Variants in ESRRB observed in about 807,000 individuals in gnomAD.
ESRRB encodes the protein estrogen related receptor beta, also known as steroid hormone receptor ERR2.
In ESRRB, 16 loss-of-function variants were observed where a neutral mutation model predicts 46.0. The ratio of observed to expected loss-of-function variants is 0.35; its 90% CI spans 0.24 to 0.53. The LOEUF is 0.53. Among genes scored for constraint, ESRRB ranks in the 20% least tolerant of loss-of-function variants. The probability of loss-of-function intolerance (pLI) is 0.93; values close to 1 mark genes in which losing one functional copy is unlikely to be tolerated. For missense variants in ESRRB, 488 were observed against 607.4 expected (o/e 0.80, Z 2.07); for synonymous variants, 246 against 259.6 (o/e 0.95, Z 0.50).
intron 3 of ESRRB, among the ~76,000 whole-genome samples, chr14:76,475,310 A>G (rs769098000): frequency 6.6e-6 from 1 of 151,346 alleles, no homozygotes; most frequent in Non-Finnish European, 1.5e-5. Flanking sequence ...TTGAGGTTGC[A>G]GCGAGCTGTG....
In ESRRB at chr14:76,500,012, C is replaced by G. The variant is rs773338772; in HGVS notation, c.*1554C>G. On this transcript the variant is annotated 3_prime_UTR_variant, in exon 7 of 7. Coordinates refer to ENST00000644823, the MANE Select transcript of ESRRB (RefSeq NM_001379180.1). ...ATCCACGCCCTTCTAGTCCAACCCCCCTCAATGAGAGAGGCAGGCAGATCT... is the reference window on the plus strand; with the variant it reads ...ATCCACGCCCTTCTAGTCCAACCCCGCTCAATGAGAGAGGCAGGCAGATCT... 7.7e-6 allele frequency: 12 copies of G among 1,566,500 alleles called. No homozygotes were observed. Among genetic ancestry groups the G allele is most frequent in the South Asian group, 5.9e-5 (5 of 85,304 alleles).
At chr14:76,348,372 C>T (rs1306286519) in intron 1 of ESRRB, among the ~76,000 whole-genome samples, 2 of 152,128 alleles carry the variant, frequency 1.3e-5, no homozygotes, top group African/African-American at 2.4e-5. Flanking sequence ...GGTTTTCCAA[C>T]GTGAATATTG....
At chr14:76,440,879 CCAAA>C (rs1261630931) in intron 2 of ESRRB, among the ~76,000 whole-genome samples, 1 of 152,054 alleles carries the variant, frequency 6.6e-6, no homozygotes, top group Admixed American at 6.6e-5. Context: ...ACTAAAAATA[CCAAA>C]CAAACAAACA....
At chr14:76,385,634 T>TA (rs1384580259) in intron 1 of ESRRB, among the ~76,000 whole-genome samples, 3 of 152,214 alleles carry the variant, frequency 2.0e-5, no homozygotes, top group East Asian at 1.9e-4. Context: ...TGCTGACTGT[T>TA]ACGGGGTTCC....
At chr14:76,489,445 C>CCACACACACACACACACACACA (rs56091857) in intron 5 of ESRRB, among the ~76,000 whole-genome samples, 1,521 of 129,578 alleles carry the variant, frequency 0.012, 33 homozygotes, top group East Asian at 0.05. Context: ...ATCTGGACAA[C>CCACACACACACACACACACACA]CACACACACA....
At chr14:76,314,734 G>A (rs190200390) in intron 1 of ESRRB, among the ~76,000 whole-genome samples, 1 of 152,070 alleles carries the variant, frequency 6.6e-6, no homozygotes, top group East Asian at 1.9e-4. Context: ...ACTTGGCCAA[G>A]GTCGAGCAAT....
intron 1 of ESRRB, among the ~76,000 whole-genome samples, chr14:76,318,519 C>T (rs1345419372): frequency 6.6e-6 from 1 of 152,192 alleles, no homozygotes; most frequent in Non-Finnish European, 1.5e-5. Flanking sequence ...CAGGCTTCAG[C>T]GCCAAGCTAC....
intron 1 of ESRRB, among the ~76,000 whole-genome samples, chr14:76,422,206 CTTTTT>C (rs552738537): frequency 4.2e-5 from 4 of 94,774 alleles, no homozygotes; most frequent in African/African-American, 1.5e-4. Flanking sequence ...ACATTTCCTT[CTTTTT>C]TTTTTTTTTT....
At chr14:76,453,187 G>A (rs4414418) in intron 2 of ESRRB, among the ~76,000 whole-genome samples, 6 of 152,200 alleles carry the variant, frequency 3.9e-5, no homozygotes, top group African/African-American at 1.2e-4. Context: ...GGGACCCTGC[G>A]GAACAGAAGG....
At position 76,499,126 on chromosome 14, in the gene ESRRB, C is replaced by T; in HGVS notation, c.*668C>T. 3.0e-6 allele frequency: 1 copy of T among 328,600 alleles called. No homozygotes were observed. Among genetic ancestry groups the T allele is most frequent in the South Asian group, 2.4e-5 (1 of 40,930 alleles). 20.4% of individuals were successfully genotyped at this position (328,600 alleles called of 1,614,324 possible). A position where few individuals can be genotyped will look rare whatever the true frequency, so the allele number is the denominator to read the frequency against. On this transcript the variant is annotated 3_prime_UTR_variant, in exon 7 of 7. Transcript: ENST00000644823. ...GCCTGTCACCCACCGCGCCGGTGTC[C>T]ACCTGTCCTCCTCCTCTTCTCCTCC...
intron 1 of ESRRB, among the ~76,000 whole-genome samples, chr14:76,379,860 CAA>C (rs34925535): frequency 2.4e-5 from 3 of 127,070 alleles, no homozygotes; most frequent in Non-Finnish European, 1.6e-5. Flanking sequence ...AGATCTGTTC[CAA>C]AAAAAAAAAA....
At chr14:76,433,139 G>A (rs781166598) in intron 1 of ESRRB, among the ~76,000 whole-genome samples, 5 of 152,148 alleles carry the variant, frequency 3.3e-5, no homozygotes, top group Non-Finnish European at 7.3e-5. Context: ...GGCCCTGCCT[G>A]TAGAGACGCT....
chr14:76,451,581 C>A lies in ESRRB; in HGVS notation c.461-10964C>A, dbSNP rs954295395. Among the ~76,000 whole-genome samples the A allele has an allele frequency of 1.3e-5, 2 of 152,136 alleles. 1 individual carries two copies. The highest frequency in any genetic ancestry group is 1.3e-4 in the Admixed American group (2 of 15,268). ...AACGATGATGTGGAAGCAGGAGAGG[C>A]TAGGGGCTGGGAGCCCAGTGAGGAA... is the stretch of plus-strand genomic sequence containing the variant. On this transcript the variant is annotated intron_variant, in intron 2 of 6. Coordinates refer to ENST00000644823, the MANE Select transcript of ESRRB (RefSeq NM_001379180.1).
intron 5 of ESRRB, among the ~76,000 whole-genome samples, chr14:76,484,045 G>A (rs1252228037): frequency 6.6e-6 from 1 of 152,132 alleles, no homozygotes; most frequent in Non-Finnish European, 1.5e-5. Flanking sequence ...TAGTAGAGAC[G>A]GGGTTTTGCC....
intron 1 of ESRRB, among the ~76,000 whole-genome samples, chr14:76,422,303 C>T (rs1886999310): frequency 6.6e-6 from 1 of 150,668 alleles, no homozygotes; most frequent in African/African-American, 2.4e-5. Context: ...CTCCGCCTCC[C>T]GGGTTCAAGC....
At chr14:76,316,738 C>T (rs1021003417) in intron 1 of ESRRB, among the ~76,000 whole-genome samples, 6 of 150,530 alleles carry the variant, frequency 4.0e-5, no homozygotes, top group Admixed American at 6.6e-5. Context: ...CTTTCATGTT[C>T]CTCTGTCCAG....
chr14:76,477,987 G>C (rs1365160398), intron 3 of ESRRB, among the ~76,000 whole-genome samples: 2 of 152,260 alleles, frequency 1.3e-5, no homozygotes, highest in East Asian at 3.8e-4. Context: ...ATTTTTGTGG[G>C]TTAAGTAGGG....
At chr14:76,474,943 A>AG (rs1889517261) in intron 3 of ESRRB, among the ~76,000 whole-genome samples, 1 of 151,022 alleles carries the variant, frequency 6.6e-6, no homozygotes, top group Non-Finnish European at 1.5e-5. Context: ...AAAAGAAAGG[A>AG]GGGGGCCAGG....
intron 1 of ESRRB, among the ~76,000 whole-genome samples, chr14:76,332,534 AATATAATATATATTT>A (rs1344959207): frequency 3.3e-5 from 3 of 91,418 alleles, no homozygotes; most frequent in African/African-American, 1.3e-4. Context: ...AAATATATAC[AATATAATATATATTT>A]ATATAATATA....
Sources: gnomAD v4.1 joint callset for allele counts (sites outside exome capture counted in the v4.1 genomes callset) on GRCh38, gnomAD v4.1.1 for gene constraint, MANE v1.5 for transcripts, NCBI Gene and HGNC (gene_info 2026-07-23, HGNC 2026-07-21) for gene names.